The following CNGA1 variants were observed in gnomAD, a reference collection of about 807,000 sequenced individuals.
The protein encoded by CNGA1 is cyclic nucleotide-gated channel alpha-1.
CNGA1 carries 53 observed loss-of-function variants against 69.7 expected under a neutral mutation model. The observed-to-expected ratio is 0.76, with a 90% CI of 0.61 to 0.96. The LOEUF (loss-of-function observed/expected upper bound fraction) is 0.96. CNGA1 is among the 40% of genes least tolerant of loss of function. CNGA1 has a pLI of 0.00. For missense variants in CNGA1, 739 were observed against 811.2 expected (o/e 0.91, Z 1.08); for synonymous variants, 249 against 283.5 (o/e 0.88, Z 1.22).
chr4:47,936,550 A>G lies in CNGA1; in HGVS notation c.1932T>C (p.Tyr644=), dbSNP rs762706687. 1.9e-6 allele frequency: 3 copies of G among 1,614,104 alleles called. No individual in the cohort carries two copies. The highest frequency in any genetic ancestry group is 1.7e-5 in the Admixed American group (1 of 60,002). Residue 644 remains tyrosine (Y), a synonymous_variant, in exon 11 of 11, where the codon TAT becomes TAC. Transcript: ENST00000514170. ...GTTTCAGTTTCTGCTGCATGGACTCATACTCAGCCAAGATTCGGGCAAACC... is the reference window on the plus strand; with the variant it reads ...GTTTCAGTTTCTGCTGCATGGACTCGTACTCAGCCAAGATTCGGGCAAACC... ...QTRFARILAE[Y]ESMQQKLKQR...
At chr4:47,997,379 A>C (rs1256682935) in intron 2 of CNGA1, among the ~76,000 whole-genome samples, 1 of 152,192 alleles carries the variant, frequency 6.6e-6, no homozygotes, top group African/African-American at 2.4e-5. Context: ...TGTTAAAATG[A>C]GTTTTTGTCC....
At chr4:47,970,644 C>T (rs1429479517) in intron 3 of CNGA1, among the ~76,000 whole-genome samples, 3 of 112,572 alleles carry the variant, frequency 2.7e-5, no homozygotes, top group Non-Finnish European at 5.8e-5. Flanking sequence ...AAGAGCAAAA[C>T]TCCATTAAAA....
At chr4:47,947,580 G>C (rs1024504391) in intron 6 of CNGA1, among the ~76,000 whole-genome samples, 3 of 152,134 alleles carry the variant, frequency 2.0e-5, no homozygotes, top group African/African-American at 7.2e-5. Context: ...TGAGGCAGGA[G>C]GATCATTTGA....
intron 2 of CNGA1, among the ~76,000 whole-genome samples, chr4:47,990,179 C>T (rs1251195525): frequency 1.3e-5 from 2 of 151,972 alleles, no homozygotes; most frequent in African/African-American, 4.8e-5. Context: ...TTTCAGGGAA[C>T]GAGGGAGGAT....
In CNGA1 at chr4:47,936,663, G is replaced by C. The variant is rs945651304; in HGVS notation, c.1819C>G (p.Leu607Val). Residue 607 changes from leucine (L) to valine (V), a missense_variant, in exon 11 of 11, where the codon CTA becomes GTA. Transcript: ENST00000514170. ...QILMKDGLLDLNIANAGSDPK... is the reference protein window; with the variant it reads ...QILMKDGLLDVNIANAGSDPK... ...TCACTGCCAGCATTTGCAATGTTTA[G>C]ATCCAGTAGACCATCTTTCATTAAA... The C allele has an allele frequency of 6.2e-7, 1 of 1,614,142 alleles. No homozygotes were observed. Among genetic ancestry groups the C allele is most frequent in the Non-Finnish European group, 8.5e-7 (1 of 1,180,012 alleles).
chr4:47,965,911 C>T (rs1209570819), intron 3 of CNGA1, among the ~76,000 whole-genome samples: 1 of 98,546 alleles, frequency 1.0e-5, no homozygotes, highest in Non-Finnish European at 2.0e-5. Context: ...GGCAAAACAT[C>T]TGAAAAGAAC....
intron 3 of CNGA1, among the ~76,000 whole-genome samples, chr4:47,968,763 G>C (rs1008776775): frequency 1.3e-5 from 2 of 152,090 alleles, no homozygotes; most frequent in African/African-American, 2.4e-5. Flanking sequence ...AAGGGGCCTG[G>C]GTAAGTAGGA....
At chr4:48,000,763 A>T (rs962704261) in intron 2 of CNGA1, among the ~76,000 whole-genome samples, 4 of 152,142 alleles carry the variant, frequency 2.6e-5, no homozygotes, top group African/African-American at 9.7e-5. Flanking sequence ...AAGGATAATC[A>T]CAGACTTGTA....
chr4:47,962,432 AG>A (rs1052471463), intron 3 of CNGA1, among the ~76,000 whole-genome samples: 6 of 149,994 alleles, frequency 4.0e-5, no homozygotes, highest in African/African-American at 9.7e-5. Context: ...GAAAAAAAAA[AG>A]TATACGTTTT....
intron 3 of CNGA1, among the ~76,000 whole-genome samples, chr4:47,964,771 T>A (rs1439241943): frequency 2.0e-5 from 3 of 152,138 alleles, no homozygotes; most frequent in Admixed American, 6.5e-5. Context: ...AGGAAATTAT[T>A]TTCCTTTACA....
intron 2 of CNGA1, among the ~76,000 whole-genome samples, chr4:47,984,663 T>TACAC (rs60055899): frequency 7.0e-4 from 89 of 127,316 alleles, no homozygotes; most frequent in South Asian, 1.8e-3. Flanking sequence ...TATATATATA[T>TACAC]ACACACACAC....
intron 2 of CNGA1, among the ~76,000 whole-genome samples, chr4:47,989,004 G>T (rs899615561): frequency 1.5e-4 from 23 of 152,068 alleles, no homozygotes; most frequent in African/African-American, 5.3e-4. Context: ...GATATTACAT[G>T]CTAGACACTG....
Position 47,936,897 on chromosome 4 carries a change from T to C in CNGA1, c.1585A>G (p.Thr529Ala). ...CCATCGCTCAATACCACAAACTGAG[T>C]GACTCCATCATCTGCCACCACAGCG... Reference protein sequence around the residue: ...KLAVVADDGVTQFVVLSDGSY... With the variant: ...KLAVVADDGVAQFVVLSDGSY... The change falls in exon 11 of 11, where the codon ACT (threonine) becomes GCT (alanine). Residue 529 changes from threonine (T) to alanine (A), a missense_variant. Coordinates refer to ENST00000514170, the MANE Select transcript of CNGA1 (RefSeq NM_001379270.1). 1 of 1,614,096 alleles carries C rather than the reference T, an allele frequency of 6.2e-7. No homozygotes were observed.
chr4:47,975,882 G>A (rs959339832), intron 3 of CNGA1, among the ~76,000 whole-genome samples: 3 of 151,728 alleles, frequency 2.0e-5, no homozygotes, highest in African/African-American at 7.3e-5. Context: ...TACCTTCATT[G>A]ACTCAGAAAG....
At chr4:47,941,783 TAAA>T (rs1398453897) in intron 9 of CNGA1, among the ~76,000 whole-genome samples, 1 of 151,874 alleles carries the variant, frequency 6.6e-6, no homozygotes, top group African/African-American at 2.4e-5. Context: ...AAATAAAAGT[TAAA>T]AAAATTAAAA....
intron 3 of CNGA1, chr4:47,970,924 G>A (rs1434361788): frequency 2.2e-6 from 1 of 453,792 alleles, no homozygotes; most frequent in Non-Finnish European, 4.4e-6. Flanking sequence ...GGGAGGCTGA[G>A]GTGGGCAGAT....
intron 3 of CNGA1, among the ~76,000 whole-genome samples, chr4:47,962,185 A>G (rs1348792362): frequency 6.6e-6 from 1 of 152,098 alleles, no homozygotes; most frequent in Non-Finnish European, 1.5e-5. Context: ...CTCTACTAAA[A>G]ATACAAAAAT....
chr4:48,015,657 C>T (rs1323972029), intron 1 of CNGA1, among the ~76,000 whole-genome samples: 1 of 151,908 alleles, frequency 6.6e-6, no homozygotes. Context: ...GACTAGAGTG[C>T]AGTGGTTCGA....
At chr4:48,007,751 C>T (rs906874764) in intron 2 of CNGA1, among the ~76,000 whole-genome samples, 1 of 152,016 alleles carries the variant, frequency 6.6e-6, no homozygotes, top group Admixed American at 6.6e-5. Context: ...TTTTATAAAA[C>T]CTAAAATCTG....
Sources: allele counts gnomAD v4.1 joint callset (sites outside exome capture counted in the v4.1 genomes callset), GRCh38; gene constraint gnomAD v4.1.1; transcripts MANE v1.5; gene names NCBI Gene and HGNC (gene_info 2026-07-23, HGNC 2026-07-21).